DMXL1: variants seen among roughly 807,000 people sequenced by gnomAD.
DMXL1 encodes dmX-like protein 1.
In DMXL1, 99 loss-of-function variants were observed where a neutral mutation model predicts 319.2. The observed-to-expected ratio is 0.31, with a 90% CI of 0.26 to 0.37. DMXL1 has a LOEUF of 0.37. DMXL1 is among the 10% of genes least tolerant of loss of function. DMXL1 has a pLI of 1.00. For missense variants in DMXL1, 3,745 were observed against 3,595.6 expected, an observed-to-expected ratio of 1.04 and a Z score of -1.06; for synonymous variants, 1,385 against 1,235.2, an observed-to-expected ratio of 1.12 and a Z score of -2.54.
chr5:119,148,510 C>T (rs1005259344), intron 17 of DMXL1, among the ~76,000 whole-genome samples: 1 of 152,022 alleles, frequency 6.6e-6, no homozygotes, highest in East Asian at 1.9e-4. Flanking sequence ...TTTTTATATA[C>T]CTTTCTGATG....
chr5:119,213,627 A>G (rs762307091), intron 34 of DMXL1, among the ~76,000 whole-genome samples: 5 of 152,218 alleles, frequency 3.3e-5, no homozygotes, highest in Non-Finnish European at 7.3e-5. Context: ...CACCATAAAC[A>G]AACCACCCAG....
chr5:119,162,332 T>G (rs1581096970), intron 19 of DMXL1, among the ~76,000 whole-genome samples: 1 of 152,206 alleles, frequency 6.6e-6, no homozygotes, highest in East Asian at 1.9e-4. Flanking sequence ...GGGGTGTCTG[T>G]CTTTTGGGGC....
At chr5:119,151,859 GC>G in intron 18 of DMXL1, 69 bp from the exon 19 acceptor site, 1 of 879,034 alleles carries the variant, frequency 1.1e-6, no homozygotes, top group Non-Finnish European at 1.9e-6. Context: ...AATGTTATAT[GC>G]CTATATTGGG....
intron 7 of DMXL1, 70 bp downstream of exon 7, chr5:119,116,406 C>G: frequency 3.3e-6 from 5 of 1,504,506 alleles, no homozygotes; most frequent in Non-Finnish European, 3.6e-6. Context: ...TTGCTTCTCT[C>G]ACTTTTGAGA....
In DMXL1 at chr5:119,173,672, ATG is replaced by A. The variant is rs771056976; in HGVS notation, c.6682-1563_6682-1562del. Among the ~76,000 whole-genome samples the A allele has an allele frequency of 1.8e-3, 197 of 110,124 alleles. 1 individual carries two copies. Among genetic ancestry groups the A allele is most frequent in the Middle Eastern group, 0.013 (3 of 232 alleles). The allele number at this position is 110,124 out of a possible 152,430, so 72.2% of individuals were successfully genotyped here. A position where few individuals can be genotyped will look rare whatever the true frequency, so the allele number is the denominator to read the frequency against. On this transcript the variant is annotated intron_variant, in intron 25 of 43. Transcript: ENST00000539542. ...CAAAGAAACAGAATCAGTAGGATGTATGTGTGTGTGTGTGTGTGTGTGTGTGT... is the reference window on the plus strand; with the variant it reads ...CAAAGAAACAGAATCAGTAGGATGTATGTGTGTGTGTGTGTGTGTGTGTGT...
At chr5:119,109,204 T>C (rs1759028406) in intron 4 of DMXL1, among the ~76,000 whole-genome samples, 2 of 152,332 alleles carry the variant, frequency 1.3e-5, no homozygotes, top group East Asian at 1.9e-4. Context: ...TGGAGTTGTT[T>C]TCTAAAAAGT....
chr5:119,166,871 T>C (rs1005905995), intron 22 of DMXL1, 90 bp downstream of exon 22: 1 of 1,061,306 alleles, frequency 9.4e-7, no homozygotes, highest in Non-Finnish European at 1.3e-6. Context: ...AAATTCAACT[T>C]TATTGGAAAT....
chr5:119,114,027 G>A (rs928036051), intron 5 of DMXL1, among the ~76,000 whole-genome samples: 1 of 152,148 alleles, frequency 6.6e-6, no homozygotes, highest in African/African-American at 2.4e-5. Flanking sequence ...AGGTGAAGCT[G>A]GTAGGCTGAA....
chr5:119,121,164 G>C, intron 9 of DMXL1, 25 bp downstream of exon 9: 1 of 1,547,644 alleles, frequency 6.5e-7, no homozygotes, highest in South Asian at 1.3e-5. Flanking sequence ...TTCAAAACAT[G>C]TTTCTGAAAT....
intron 28 of DMXL1, 57 bp downstream of exon 28, chr5:119,178,301 C>G (rs1350353167): frequency 6.5e-6 from 10 of 1,529,928 alleles, no homozygotes; most frequent in African/African-American, 2.8e-5. Flanking sequence ...TGATATCATT[C>G]TCAAACGTAA....
chr5:119,231,649 G>T (rs1786749516), intron 38 of DMXL1, among the ~76,000 whole-genome samples: 1 of 152,134 alleles, frequency 6.6e-6, no homozygotes, highest in African/African-American at 2.4e-5. Context: ...TTAGCTTTCA[G>T]CTCAAATTCA....
intron 9 of DMXL1, among the ~76,000 whole-genome samples, chr5:119,128,866 C>T (rs987993688): frequency 6.6e-6 from 1 of 152,084 alleles, no homozygotes; most frequent in African/African-American, 2.4e-5. Flanking sequence ...GAGATCGAGA[C>T]CATCTTGGCC....
chr5:119,116,788 A>C (rs1431135699), intron 7 of DMXL1, among the ~76,000 whole-genome samples: 1 of 152,156 alleles, frequency 6.6e-6, no homozygotes, highest in African/African-American at 2.4e-5. Context: ...ATTTGACTAC[A>C]CCCAGCATAT....
chr5:119,164,611 C>T lies in DMXL1; in HGVS notation c.4807C>T (p.Leu1603=). Residue 1603 remains leucine (L), a synonymous_variant, in exon 20 of 44, where the codon CTA becomes TTA. Coordinates refer to ENST00000539542, the MANE Select transcript of DMXL1 (RefSeq NM_001290321.3). ...GAAAGATGATCCCACTTGGTCTGAA[C>T]TAAGAGCTATGGGTGTGGGGTGGTG... ...MQKDDPTWSE[L]RAMGVGWWVR... 1 of 1,614,106 alleles carries T rather than the reference C, an allele frequency of 6.2e-7. No individual in the cohort carries two copies. Among genetic ancestry groups the T allele is most frequent in the East Asian group, 2.2e-5 (1 of 44,868 alleles).
chr5:119,225,935 A>G (rs1364114472), intron 38 of DMXL1, among the ~76,000 whole-genome samples: 3 of 152,182 alleles, frequency 2.0e-5, no homozygotes, highest in Admixed American at 1.3e-4. Flanking sequence ...ATATTATTCT[A>G]CATCAGGAAA....
chr5:119,112,080 C>T (rs1273693548), intron 5 of DMXL1, among the ~76,000 whole-genome samples: 1 of 152,180 alleles, frequency 6.6e-6, no homozygotes, highest in Non-Finnish European at 1.5e-5. Context: ...CCTGCCTCGG[C>T]CTCCCAAGTA....
chr5:119,132,909 A>G lies in DMXL1; in HGVS notation c.1316-223A>G, dbSNP rs370845369. 7.5e-5 allele frequency: 45 copies of G among 600,808 alleles called. 1 individual carries two copies. The highest frequency in any genetic ancestry group is 5.2e-4 in the East Asian group (18 of 34,394). 37.2% of individuals were successfully genotyped at this position (600,808 alleles called of 1,614,324 possible). A position where few individuals can be genotyped will look rare whatever the true frequency, so the allele number is the denominator to read the frequency against. ...TAGATCTCAAAGTATGCTCTGGAGC[A>G]TTATCATTAAGCATTACATTTACTG... On this transcript the variant is annotated intron_variant, in intron 10 of 43. Coordinates refer to ENST00000539542, the MANE Select transcript of DMXL1 (RefSeq NM_001290321.3).
rs531550107 is a variant in DMXL1 at position 119,145,849 on chromosome 5, C to G, written c.2570-988C>G. 7.1e-4 allele frequency among the ~76,000 whole-genome samples: 107 copies of G among 151,654 alleles called. 2 individuals carry two copies. The highest frequency in any genetic ancestry group is 2.3e-3 in the African/African-American group (94 of 41,462). On this transcript the variant is annotated intron_variant, in intron 15 of 43. Coordinates refer to ENST00000539542, the MANE Select transcript of DMXL1 (RefSeq NM_001290321.3). ...AGTTAATGGTTTCATATCTTTTGCT[C>G]TATTATGAAGAAGAAAAATGTTTTA...
At chr5:119,201,021 A>G (rs1371458566) in intron 32 of DMXL1, among the ~76,000 whole-genome samples, 4 of 152,174 alleles carry the variant, frequency 2.6e-5, no homozygotes, top group African/African-American at 9.7e-5. Flanking sequence ...AAACAGGCAT[A>G]GTTTTACTTC....
Sources: allele counts gnomAD v4.1 joint callset (sites outside exome capture counted in the v4.1 genomes callset), GRCh38; gene constraint gnomAD v4.1.1; transcripts MANE v1.5; gene names NCBI Gene and HGNC (gene_info 2026-07-23, HGNC 2026-07-21).